Variants in XPNPEP3 observed in about 807,000 individuals in gnomAD.
XPNPEP3 encodes X-prolyl aminopeptidase 3, also known as xaa-Pro aminopeptidase 3.
A neutral mutation model predicts 60.0 loss-of-function variants in XPNPEP3; 41 were observed. The ratio of observed to expected loss-of-function variants is 0.68; its 90% CI spans 0.53 to 0.89. XPNPEP3 has a LOEUF of 0.89. XPNPEP3 is among the 40% of genes least tolerant of loss of function. The probability of loss-of-function intolerance (pLI) is 0.00; values close to 1 mark genes in which losing one functional copy is unlikely to be tolerated. For synonymous variants in XPNPEP3, 212 were observed against 223.2 expected (o/e 0.95, Z 0.45); for missense variants, 598 against 638.9 (o/e 0.94, Z 0.69).
At chr22:40,892,726 A>G (rs533545899) in intron 4 of XPNPEP3, among the ~76,000 whole-genome samples, 1 of 152,336 alleles carries the variant, frequency 6.6e-6, no homozygotes, top group South Asian at 2.1e-4. Flanking sequence ...GGCTTACGTC[A>G]TATGAGTGGT....
intron 3 of XPNPEP3, among the ~76,000 whole-genome samples, chr22:40,884,334 C>CTT (rs1216026499): frequency 3.6e-5 from 5 of 138,464 alleles, no homozygotes; most frequent in African/African-American, 5.3e-5. Flanking sequence ...GTCACCATTC[C>CTT]TTTTTTTTTT....
intron 3 of XPNPEP3, among the ~76,000 whole-genome samples, chr22:40,884,701 C>T (rs865846485): frequency 4.6e-5 from 7 of 151,476 alleles, no homozygotes; most frequent in South Asian, 2.1e-4. Context: ...ACACTTTGAA[C>T]GTGTAGTAGA....
chr22:40,862,073 G>A, intron 1 of XPNPEP3: 1 of 1,522,294 alleles, frequency 6.6e-7, no homozygotes, highest in East Asian at 2.3e-5. Context: ...GCTGGTGGTG[G>A]TGATAGAGGT....
intron 4 of XPNPEP3, among the ~76,000 whole-genome samples, chr22:40,889,278 G>T (rs1026368368): frequency 1.3e-5 from 2 of 152,046 alleles, no homozygotes; most frequent in Admixed American, 6.6e-5. Flanking sequence ...TCCATCCTCA[G>T]CCTCCCAAAA....
At chr22:40,896,066 T>C (rs1434623068) in intron 4 of XPNPEP3, among the ~76,000 whole-genome samples, 1 of 152,216 alleles carries the variant, frequency 6.6e-6, no homozygotes, top group Non-Finnish European at 1.5e-5. Context: ...CCTTTCTCTT[T>C]CTAAAATTCC....
rs538905952 is a variant in XPNPEP3, at chr22:40,857,563, C to T, written c.64+318C>T. On this transcript the variant is annotated intron_variant, in intron 1 of 9. Coordinates refer to ENST00000357137, the MANE Select transcript of XPNPEP3 (RefSeq NM_022098.4). ...CACACTTAAGTGACAAAGTGTCTCACATCAAGTAGCTCTTGTTTCTGTTAG... is the reference window on the plus strand; with the variant it reads ...CACACTTAAGTGACAAAGTGTCTCATATCAAGTAGCTCTTGTTTCTGTTAG... Among the ~76,000 whole-genome samples, 118 of 152,392 alleles carry T rather than the reference C, an allele frequency of 7.7e-4. 1 individual carries two copies. The highest frequency in any genetic ancestry group is 2.4e-3 in the African/African-American group (101 of 41,602).
At chr22:40,868,880 G>T (rs917590984) in intron 1 of XPNPEP3, 119 bp from the exon 2 acceptor site, 1 of 811,156 alleles carries the variant, frequency 1.2e-6, no homozygotes, top group Non-Finnish European at 2.1e-6. Flanking sequence ...AGGAGAGAAG[G>T]AAGGAAATAT....
rs1302771265 is a variant in XPNPEP3, at chr22:40,928,262, A to G, written c.*1827A>G. On this transcript the variant is annotated 3_prime_UTR_variant, in exon 10 of 10. Transcript: ENST00000357137. ...CTGTCGCCTGGGCTGGATGGAGTGCAGTGGCGTAATCTCAGCTCACTACAA... is the reference window on the plus strand; with the variant it reads ...CTGTCGCCTGGGCTGGATGGAGTGCGGTGGCGTAATCTCAGCTCACTACAA... 1 of 142,894 alleles carries G rather than the reference A, an allele frequency of 7.0e-6. No individual in the cohort carries two copies. The highest frequency in any genetic ancestry group is 2.1e-4 in the East Asian group (1 of 4,812). The allele number at this position is 142,894 out of a possible 1,614,324, so 8.9% of individuals were successfully genotyped here. A position where few individuals can be genotyped will look rare whatever the true frequency, so the allele number is the denominator to read the frequency against.
intron 4 of XPNPEP3, among the ~76,000 whole-genome samples, chr22:40,892,201 T>C (rs2058090933): frequency 6.6e-6 from 1 of 152,110 alleles, no homozygotes; most frequent in Non-Finnish European, 1.5e-5. Flanking sequence ...TTTTTTTTTC[T>C]TTTTGAGACG....
At position 40,922,321 on chromosome 22, in the gene XPNPEP3, T is replaced by A; in HGVS notation, c.1056-12T>A. 1.2e-6 allele frequency: 2 copies of A among 1,613,734 alleles called. No individual in the cohort carries two copies. The highest frequency in any genetic ancestry group is 1.1e-5 in the South Asian group (1 of 91,062). ...TATCTAAGTTCAGGTTCTTTGGTTT[T>A]CCCGTCCCCAGGTTCACCGCACCTC... On this transcript the variant is annotated splice_polypyrimidine_tract_variant and intron_variant, in intron 7 of 9. Coordinates refer to ENST00000357137, the MANE Select transcript of XPNPEP3 (RefSeq NM_022098.4).
intron 7 of XPNPEP3, among the ~76,000 whole-genome samples, chr22:40,916,542 G>A (rs372738895): frequency 1.5e-4 from 23 of 152,054 alleles, no homozygotes; most frequent in African/African-American, 5.3e-4. Flanking sequence ...CCAAACACTA[G>A]GTAGTATTTG....
chr22:40,894,826 G>A (rs2058101620), intron 4 of XPNPEP3, among the ~76,000 whole-genome samples: 2 of 152,112 alleles, frequency 1.3e-5, no homozygotes, highest in African/African-American at 4.8e-5. Flanking sequence ...TTTTCATAGA[G>A]ATTTCCAAAG....
intron 2 of XPNPEP3, among the ~76,000 whole-genome samples, chr22:40,877,905 T>C (rs1013107860): frequency 2.0e-5 from 3 of 152,222 alleles, no homozygotes; most frequent in East Asian, 1.9e-4. Flanking sequence ...GGTTTCTTTT[T>C]TCTTGAGTAA....
intron 1 of XPNPEP3, among the ~76,000 whole-genome samples, chr22:40,867,005 T>C (rs2057981708): frequency 6.6e-6 from 1 of 152,194 alleles, no homozygotes; most frequent in African/African-American, 2.4e-5. Context: ...AGCGTGCATG[T>C]GGAGAAGGTG....
chr22:40,874,856 A>G (rs1168223009), intron 2 of XPNPEP3, among the ~76,000 whole-genome samples: 2 of 152,200 alleles, frequency 1.3e-5, no homozygotes, highest in African/African-American at 2.4e-5. Context: ...GCCATTGGTC[A>G]TGTTTTAAAG....
At chr22:40,915,188 C>G (rs1472056891) in intron 7 of XPNPEP3, among the ~76,000 whole-genome samples, 1 of 151,798 alleles carries the variant, frequency 6.6e-6, no homozygotes, top group East Asian at 1.9e-4. Context: ...AGTAGCGGGA[C>G]TACAGGCACC....
chr22:40,877,869 A>G (rs2058033406), intron 2 of XPNPEP3, among the ~76,000 whole-genome samples: 1 of 152,008 alleles, frequency 6.6e-6, no homozygotes, highest in Non-Finnish European at 1.5e-5. Context: ...GCTTTAACAC[A>G]TTTTTTTTCC....
chr22:40,886,592 G>A (rs764421599), intron 4 of XPNPEP3, 77 bp downstream of exon 4: 27 of 1,345,636 alleles, frequency 2.0e-5, no homozygotes, highest in East Asian at 7.1e-5. Flanking sequence ...TTGGGAGGCC[G>A]AGGCAGGTGG....
At chr22:40,905,376 G>T (rs1314010506) in intron 4 of XPNPEP3, among the ~76,000 whole-genome samples, 1 of 152,076 alleles carries the variant, frequency 6.6e-6, no homozygotes, top group East Asian at 1.9e-4. Context: ...ACCACACCCG[G>T]CCCCTTTAAT....
Sources: gnomAD v4.1 joint callset for allele counts (sites outside exome capture counted in the v4.1 genomes callset) on GRCh38, gnomAD v4.1.1 for gene constraint, MANE v1.5 for transcripts, NCBI Gene and HGNC (gene_info 2026-07-23, HGNC 2026-07-21) for gene names.